Variants in MTUS2 observed in about 807,000 individuals in gnomAD.
MTUS2 encodes the protein microtubule-associated tumor suppressor candidate 2.
MTUS2 carries 40 observed loss-of-function variants against 114.1 expected under a neutral mutation model. That is an observed-to-expected ratio of 0.35 (90% CI 0.27 to 0.46). MTUS2 has a LOEUF of 0.46. MTUS2 is among the 20% of genes least tolerant of loss of function. The pLI is 1.00. For missense variants in MTUS2, 1,679 were observed against 1,705.4 expected (o/e 0.98, Z 0.27); for synonymous variants, 688 against 672.0 (o/e 1.02, Z -0.37).
chr13:29,066,603 T>A (rs1888677756), intron 4 of MTUS2, among the ~76,000 whole-genome samples: 1 of 152,232 alleles, frequency 6.6e-6, no homozygotes, highest in Non-Finnish European at 1.5e-5. Context: ...GTCCATGGGC[T>A]GTAGTTTGCT....
At chr13:29,091,413 C>G in intron 4 of MTUS2, among the ~76,000 whole-genome samples, 1 of 152,128 alleles carries the variant, frequency 6.6e-6, no homozygotes, top group Non-Finnish European at 1.5e-5. Flanking sequence ...TAGGCAACAG[C>G]AACTAAGATA....
At chr13:28,985,100 T>C (rs1016153407) in intron 2 of MTUS2, among the ~76,000 whole-genome samples, 2 of 152,232 alleles carry the variant, frequency 1.3e-5, no homozygotes, top group African/African-American at 4.8e-5. Context: ...AGCTGATTCA[T>C]GTGTCAACCT....
chr13:29,100,745 T>G, intron 4 of MTUS2, 28 bp from the exon 5 acceptor site: 1 of 1,548,032 alleles, frequency 6.5e-7, no homozygotes, highest in African/African-American at 1.4e-5. Flanking sequence ...TGAGAATAAT[T>G]TTTTAATTTT....
At chr13:29,078,751 A>T (rs1294871116) in intron 4 of MTUS2, among the ~76,000 whole-genome samples, 1 of 152,218 alleles carries the variant, frequency 6.6e-6, no homozygotes, top group Non-Finnish European at 1.5e-5. Context: ...TCCACATTTC[A>T]GCATGTATCA....
intron 5 of MTUS2, among the ~76,000 whole-genome samples, chr13:29,107,003 C>G (rs989365042): frequency 7.2e-5 from 11 of 152,030 alleles, no homozygotes; most frequent in Admixed American, 2.0e-4. Context: ...TTGTGCTTTC[C>G]TGCCTTTTGG....
chr13:29,412,561 T>C (rs1037131818), intron 8 of MTUS2, among the ~76,000 whole-genome samples: 1 of 152,100 alleles, frequency 6.6e-6, no homozygotes, highest in Non-Finnish European at 1.5e-5. Context: ...TCATCAGGTT[T>C]AGGTATAAAA....
At chr13:29,452,600 GTGTGTGTA>G (rs1367574180) in intron 9 of MTUS2, among the ~76,000 whole-genome samples, 9 of 149,114 alleles carry the variant, frequency 6.0e-5, no homozygotes, top group African/African-American at 2.2e-4. Context: ...GTGTGTGTGT[GTGTGTGTA>G]TATATATATA....
chr13:29,152,686 A>C (rs2139044694), intron 5 of MTUS2, among the ~76,000 whole-genome samples: 1 of 152,200 alleles, frequency 6.6e-6, no homozygotes, highest in East Asian at 1.9e-4. Flanking sequence ...GAGATGCCTC[A>C]AGATGTGGCT....
chr13:29,336,532 A>G (rs1901072584), intron 7 of MTUS2, among the ~76,000 whole-genome samples: 1 of 151,930 alleles, frequency 6.6e-6, no homozygotes, highest in Admixed American at 6.5e-5. Context: ...CCGAAAGGGC[A>G]CCCGCCGGAC....
intron 9 of MTUS2, among the ~76,000 whole-genome samples, chr13:29,477,884 A>C (rs1240712749): frequency 6.6e-6 from 1 of 152,130 alleles, no homozygotes; most frequent in Non-Finnish European, 1.5e-5. Flanking sequence ...AATCAGTAAT[A>C]CACATTATTT....
intron 2 of MTUS2, among the ~76,000 whole-genome samples, chr13:28,987,959 A>C (rs1191365560): frequency 6.6e-6 from 1 of 152,094 alleles, no homozygotes; most frequent in African/African-American, 2.4e-5. Context: ...ATCCTGCATT[A>C]CTCTCTGCCT....
At chr13:29,408,121 T>A (rs1283905603) in intron 8 of MTUS2, among the ~76,000 whole-genome samples, 1 of 152,192 alleles carries the variant, frequency 6.6e-6, no homozygotes, top group Non-Finnish European at 1.5e-5. Flanking sequence ...TCTTCCAGTT[T>A]GTGACTTACC....
intron 7 of MTUS2, among the ~76,000 whole-genome samples, chr13:29,337,605 A>ATT (rs200669729): frequency 0.027 from 3,862 of 144,934 alleles, 65 homozygotes; most frequent in South Asian, 0.086. Context: ...TTATTTTTCT[A>ATT]TTTTTTTTTT....
chr13:29,061,801 T>G (rs1888432761), intron 4 of MTUS2, among the ~76,000 whole-genome samples: 1 of 152,212 alleles, frequency 6.6e-6, no homozygotes, highest in Admixed American at 6.5e-5. Flanking sequence ...ATTTTGTTTG[T>G]TTTTTAACTG....
intron 2 of MTUS2, among the ~76,000 whole-genome samples, chr13:29,007,405 C>CT (rs1294697775): frequency 3.3e-5 from 5 of 152,180 alleles, no homozygotes; most frequent in Non-Finnish European, 7.3e-5. Context: ...GATGCTCTGT[C>CT]TTTTGATTTC....
At chr13:28,883,661 A>T (rs545790061) in intron 2 of MTUS2, among the ~76,000 whole-genome samples, 1 of 152,332 alleles carries the variant, frequency 6.6e-6, no homozygotes, top group South Asian at 2.1e-4. Flanking sequence ...GGGTCTGGCT[A>T]TAAAGGGGTA....
intron 5 of MTUS2, among the ~76,000 whole-genome samples, chr13:29,204,172 C>G (rs1440033926): frequency 6.6e-6 from 1 of 152,040 alleles, no homozygotes; most frequent in Non-Finnish European, 1.5e-5. Context: ...ATTGGCCAGG[C>G]TGGTCTCAAA....
At chr13:29,472,657 C>T (rs914367216) in intron 9 of MTUS2, among the ~76,000 whole-genome samples, 1 of 152,308 alleles carries the variant, frequency 6.6e-6, no homozygotes, top group South Asian at 2.1e-4. Flanking sequence ...TAATTTTACA[C>T]CTAGGAATGT....
intron 7 of MTUS2, among the ~76,000 whole-genome samples, chr13:29,356,447 G>A (rs934324060): frequency 2.6e-5 from 4 of 152,190 alleles, no homozygotes; most frequent in Non-Finnish European, 5.9e-5. Context: ...TTCTGAAACA[G>A]CTGAAGCTGG....
Sources: gnomAD v4.1 joint callset for allele counts (sites outside exome capture counted in the v4.1 genomes callset) on GRCh38, gnomAD v4.1.1 for gene constraint, MANE v1.5 for transcripts, NCBI Gene and HGNC (gene_info 2026-07-23, HGNC 2026-07-21) for gene names.